The following NXF3 variants were observed in gnomAD, a reference collection of about 807,000 sequenced individuals.
The protein encoded by NXF3 is nuclear RNA export factor 3.
Under a neutral mutation model 48.4 loss-of-function variants are expected in NXF3, and 34 were observed. The ratio of observed to expected loss-of-function variants is 0.70; its 90% confidence interval spans 0.53 to 0.93. The LOEUF (loss-of-function observed/expected upper bound fraction) is 0.93. NXF3 is among the 40% of genes least tolerant of loss of function. The pLI is 0.00. For synonymous variants in NXF3, 132 were observed against 145.7 expected, an observed-to-expected ratio of 0.91 and a Z score of 0.68; for missense variants, 359 against 406.1, an observed-to-expected ratio of 0.88 and a Z score of 1.00.
At position 103,082,744 on chromosome X, in the gene NXF3, G is replaced by A. The variant is rs1242036241; in HGVS notation, c.780+16C>T. ...CCACCTTCACCCTCAATCCCAGCAT[G>A]AGCCTAAGGCCTCACTGTAGGTATG... is the stretch of plus-strand genomic sequence containing the variant. On this transcript the variant is annotated intron_variant, in intron 8 of 19. Coordinates refer to ENST00000395065, the MANE Select transcript of NXF3 (RefSeq NM_022052.2). The A allele has an allele frequency of 6.0e-6, 7 of 1,169,623 alleles. No individual in the cohort carries two copies. Among genetic ancestry groups the A allele is most frequent in the Non-Finnish European group, 7.0e-6 (6 of 858,675 alleles).
At chrX:103,076,536 G>C (rs1328071873) in intron 18 of NXF3, among the ~76,000 whole-genome samples, 1 of 111,546 alleles carries the variant, frequency 9.0e-6, no homozygotes, top group Non-Finnish European at 1.9e-5. Flanking sequence ...AAAGGTAAAA[G>C]TGAAGCTGGG....
In NXF3 at chrX:103,077,763, C is replaced by T. The variant is rs777349287; in HGVS notation, c.1452-17G>A. On this transcript the variant is annotated splice_polypyrimidine_tract_variant and intron_variant, in intron 17 of 19. Coordinates refer to ENST00000395065, the MANE Select transcript of NXF3 (RefSeq NM_022052.2). ...ATGCACAGACTGGAGGAAAAATGGG[C>T]CATCAGGTAGCCGGAGAGAAGGACA... 8.3e-7 allele frequency: 1 copy of T among 1,208,229 alleles called. No individual in the cohort carries two copies.
At chrX:103,081,961 TG>T in intron 9 of NXF3, 1 of 312,744 alleles carries the variant, frequency 3.2e-6, no homozygotes, top group Non-Finnish European at 5.7e-6. Context: ...CTGCTGGTCC[TG>T]GGGAAGTGGG....
At chrX:103,092,168 C>T (rs1197791563) in intron 1 of NXF3, among the ~76,000 whole-genome samples, 6 of 109,580 alleles carry the variant, frequency 5.5e-5, no homozygotes, top group African/African-American at 1.7e-4. Context: ...TGATTATTTA[C>T]GGACATAGTT....
chrX:103,083,570 G>C (rs372661024), intron 4 of NXF3, 39 bp downstream of exon 4: 37 of 1,174,126 alleles, frequency 3.2e-5, no homozygotes, highest in Non-Finnish European at 3.1e-5. Context: ...CCCCCAACCT[G>C]TCCTGTTTTC....
rs1921977410 is a variant in NXF3, at chrX:103,080,324, G to A, written c.928-108C>T. 1.7e-5 allele frequency: 14 copies of A among 833,552 alleles called. No individual in the cohort carries two copies. In the South Asian group the frequency reaches 3.3e-4, roughly 20 times the overall value. The allele number at this position is 833,552 out of a possible 1,213,427, so 68.7% of individuals were successfully genotyped here. A position where few individuals can be genotyped will look rare whatever the true frequency, so the allele number is the denominator to read the frequency against. On this transcript the variant is annotated intron_variant, in intron 10 of 19. Transcript: ENST00000395065. ...GTGAGATCAGAAATCAGGTGTGAAAGCGTTCTGGAAATTACGTGGGCAAGA... is the reference window on the plus strand; with the variant it reads ...GTGAGATCAGAAATCAGGTGTGAAAACGTTCTGGAAATTACGTGGGCAAGA...
chrX:103,081,331 G>A (rs1922002565), intron 9 of NXF3: 1 of 112,418 alleles, frequency 8.9e-6, no homozygotes, highest in Non-Finnish European at 1.9e-5. Context: ...AGCAGCCACG[G>A]GGACAGGAGA....
chrX:103,082,402 G>T, intron 8 of NXF3, 38 bp from the exon 9 acceptor site: 1 of 972,922 alleles, frequency 1.0e-6, no homozygotes. Context: ...ACCCAGGAAA[G>T]AGCAGCTGGA....
intron 1 of NXF3, chrX:103,087,576 T>C: frequency 1.0e-6 from 1 of 961,993 alleles, no homozygotes; most frequent in Non-Finnish European, 1.5e-6. Flanking sequence ...AGTCAACATA[T>C]GGAGTGTATA....
At chrX:103,088,053 A>C in intron 1 of NXF3, 1 of 900,778 alleles carries the variant, frequency 1.1e-6, no homozygotes, top group South Asian at 2.1e-5. Context: ...ATGTCCACTC[A>C]ATTTATATTG....
At chrX:103,089,174 T>A (rs1361209829) in intron 1 of NXF3, 2 of 727,099 alleles carry the variant, frequency 2.8e-6, no homozygotes, top group African/African-American at 4.1e-5. Context: ...AATGCTCAGT[T>A]TGTGGCAAAA....
intron 17 of NXF3, 50 bp downstream of exon 17, chrX:103,078,510 C>T: frequency 1.7e-6 from 2 of 1,209,553 alleles, no homozygotes; most frequent in South Asian, 3.5e-5. Context: ...ATTCCCACAC[C>T]ACTGGCCCCA....
At chrX:103,088,284 C>A in intron 1 of NXF3, 1 of 577,630 alleles carries the variant, frequency 1.7e-6, no homozygotes, top group Non-Finnish European at 2.8e-6. Context: ...AAAAGAGATT[C>A]TTGAAAAATT....
At chrX:103,089,261 C>A in intron 1 of NXF3, 1 of 517,344 alleles carries the variant, frequency 1.9e-6, no homozygotes. Context: ...AACTGGTTGC[C>A]TTGGATTCGG....
intron 1 of NXF3, among the ~76,000 whole-genome samples, chrX:103,090,370 A>G (rs1922245303): frequency 8.9e-6 from 1 of 111,954 alleles, no homozygotes; most frequent in Non-Finnish European, 1.9e-5. Flanking sequence ...CTGTAGAGGG[A>G]TAAGATGCTT....
At chrX:103,080,330 T>A in intron 10 of NXF3, 114 bp from the exon 11 acceptor site, 1 of 794,878 alleles carries the variant, frequency 1.3e-6, no homozygotes, top group Non-Finnish European at 1.9e-6. Flanking sequence ...GAAAGCGTTC[T>A]GGAAATTACG....
At chrX:103,092,952 G>A (rs1922314111) in intron 1 of NXF3, 44 bp downstream of exon 1, 1 of 1,172,069 alleles carries the variant, frequency 8.5e-7, no homozygotes, top group African/African-American at 1.8e-5. Context: ...AGTCCCTTTT[G>A]CCCTGTGAGA....
chrX:103,092,857 C>T (rs752813948), intron 1 of NXF3, 139 bp downstream of exon 1: 1 of 615,105 alleles, frequency 1.6e-6, no homozygotes, highest in Admixed American at 2.5e-5. Context: ...AGACTCAGGC[C>T]TGGGCCCTTG....
rs183025749 is a variant in NXF3 at position 103,087,609 on chromosome X, G to T, written c.29-2726C>A. ...ATAATACTTTTACCAGAGGAAAGAT[G>T]GGCATTACACCCGTGCTCTAAGTCC... On this transcript the variant is annotated intron_variant, in intron 1 of 19. Transcript: ENST00000395065. 9 of 966,786 alleles carry T rather than the reference G, an allele frequency of 9.3e-6. No individual in the cohort carries two copies. The Admixed American group carries it at 1.8e-4, about 19-fold the overall frequency. 79.7% of individuals were successfully genotyped at this position (966,786 alleles called of 1,213,427 possible). A position where few individuals can be genotyped will look rare whatever the true frequency, so the allele number is the denominator to read the frequency against.
Sources: gnomAD v4.1 joint callset for allele counts (sites outside exome capture counted in the v4.1 genomes callset) on GRCh38, gnomAD v4.1.1 for gene constraint, MANE v1.5 for transcripts, NCBI Gene and HGNC (gene_info 2026-07-23, HGNC 2026-07-21) for gene names.